Variants in ADCY10 observed in about 807,000 individuals in gnomAD.
ADCY10 encodes the protein adenylate cyclase 10, also known as adenylate cyclase type 10.
In ADCY10, 156 loss-of-function variants were observed where a neutral mutation model predicts 183.3. That is an observed-to-expected ratio of 0.85 (90% CI 0.75 to 0.97). ADCY10 has a LOEUF of 0.97. Among genes scored for constraint, ADCY10 ranks in the 50% least tolerant of loss-of-function variants. The pLI is 0.00. For synonymous variants in ADCY10, 645 were observed against 670.0 expected (o/e 0.96, Z 0.58); for missense variants, 1,745 against 1,934.3 (o/e 0.90, Z 1.84).
At chr1:167,888,702 T>C (rs1668392808) in intron 8 of ADCY10, among the ~76,000 whole-genome samples, 1 of 151,758 alleles carries the variant, frequency 6.6e-6, no homozygotes, top group African/African-American at 2.4e-5. Context: ...CGGTGAAACC[T>C]CGTCTCTATT....
chr1:167,896,714 T>C, intron 6 of ADCY10, 23 bp from the exon 7 acceptor site: 1 of 1,489,850 alleles, frequency 6.7e-7, no homozygotes, highest in Middle Eastern at 1.9e-4. Flanking sequence ...AAATGAGAAG[T>C]TTTCAGTTAT....
intron 19 of ADCY10, 94 bp from the exon 20 acceptor site, chr1:167,846,357 C>T: frequency 6.7e-7 from 1 of 1,485,536 alleles, no homozygotes; most frequent in Non-Finnish European, 9.4e-7. Context: ...CCATCCTGCT[C>T]TACAGTTCTT....
At position 167,893,950 on chromosome 1, in the gene ADCY10, G is replaced by A. The variant is rs776387858; in HGVS notation, c.740-9C>T. The stretch of plus-strand genomic sequence containing the variant: ...TGCAAGCCTCAGGAGGTCTAAGAAG[G>A]CAGAAGGAGGGTGCAGGCTCAGAGA... On this transcript the variant is annotated splice_polypyrimidine_tract_variant and intron_variant, in intron 7 of 32. Transcript: ENST00000367851. The A allele has an allele frequency of 1.2e-6, 2 of 1,608,288 alleles. No homozygotes were observed. Among genetic ancestry groups the A allele is most frequent in the Non-Finnish European group, 1.7e-6 (2 of 1,175,106 alleles).
intron 9 of ADCY10, among the ~76,000 whole-genome samples, chr1:167,882,883 G>A (rs1376157536): frequency 1.3e-5 from 2 of 152,190 alleles, no homozygotes; most frequent in African/African-American, 2.4e-5. Context: ...ATATAATGAG[G>A]ATAATGACAA....
intron 18 of ADCY10, among the ~76,000 whole-genome samples, chr1:167,852,361 T>C (rs973885687): frequency 2.1e-4 from 32 of 152,102 alleles, no homozygotes; most frequent in African/African-American, 7.7e-4. Flanking sequence ...GGAGAACTGC[T>C]TGAGCGCAGG....
chr1:167,887,896 A>G (rs933402358), intron 8 of ADCY10, among the ~76,000 whole-genome samples: 2 of 151,994 alleles, frequency 1.3e-5, no homozygotes, highest in African/African-American at 4.8e-5. Context: ...AGTCTCCCCA[A>G]TGTTTTCTTG....
chr1:167,866,118 T>C (rs1385788523), intron 14 of ADCY10, among the ~76,000 whole-genome samples: 1 of 152,162 alleles, frequency 6.6e-6, no homozygotes, highest in Non-Finnish European at 1.5e-5. Flanking sequence ...CAAGCGGATG[T>C]GTGGTGGTAT....
chr1:167,821,443 T>C (rs1662903793), intron 30 of ADCY10, among the ~76,000 whole-genome samples: 1 of 152,224 alleles, frequency 6.6e-6, no homozygotes, highest in African/African-American at 2.4e-5. Context: ...TATAACTCAG[T>C]CCGTGTCTCT....
intron 14 of ADCY10, among the ~76,000 whole-genome samples, chr1:167,866,812 C>A (rs1475812841): frequency 5.9e-5 from 9 of 151,644 alleles, no homozygotes; most frequent in African/African-American, 2.2e-4. Context: ...GAGTTTTAAC[C>A]CAGACTGTAG....
rs12131250 is a variant in ADCY10 at position 167,855,878 on chromosome 1, C to G, written c.2171+287G>C. Among the ~76,000 whole-genome samples the G allele has an allele frequency of 0.12, 17,678 of 152,100 alleles. 1,301 individuals are homozygous for G. Among genetic ancestry groups the G allele is most frequent in the South Asian group, 0.23 (1,097 of 4,804 alleles). ...ATAAAAAATTTACCGGAGGTGCACA[C>G]CTGTAGTTCTGGTACTCAGAAAGCT... On this transcript the variant is annotated intron_variant, in intron 17 of 32. Coordinates refer to ENST00000367851, the MANE Select transcript of ADCY10 (RefSeq NM_018417.6).
rs186485513 is a variant in ADCY10, at chr1:167,810,849, A to G, written c.4547T>C (p.Leu1516Pro). Residue 1516 changes from leucine to proline, a missense_variant, in exon 32 of 33, where the codon CTG becomes CCG. Coordinates refer to ENST00000367851, the MANE Select transcript of ADCY10 (RefSeq NM_018417.6). ...CATTAATATACAGACGTAAGCCATC[A>G]GGTGGTAGAGCCTTGGGCAAAAGAC... ...GPVFCPRLYH[L>P]MAYVCILMGD... 246 of 1,614,176 alleles carry G rather than the reference A, an allele frequency of 1.5e-4. No homozygotes were observed. The highest frequency in any genetic ancestry group is 1.4e-4 in the Non-Finnish European group (167 of 1,180,012).
intron 13 of ADCY10, among the ~76,000 whole-genome samples, chr1:167,871,989 G>T: frequency 6.6e-6 from 1 of 152,158 alleles, no homozygotes; most frequent in East Asian, 1.9e-4. Flanking sequence ...CCTGCACGTT[G>T]TGCATTGTGT....
intron 31 of ADCY10, among the ~76,000 whole-genome samples, chr1:167,814,448 AT>A (rs1046032925): frequency 7.9e-5 from 12 of 151,740 alleles, no homozygotes; most frequent in African/African-American, 2.2e-4. Flanking sequence ...TTATAATTAT[AT>A]TTTTAAAATA....
rs1180740111 is a variant in ADCY10, at chr1:167,837,454, A to G, written c.3008-136T>C. 6.8e-6 allele frequency: 5 copies of G among 740,494 alleles called. No homozygotes were observed. The African/African-American group carries it at 8.7e-5, about 13-fold the overall frequency. The allele number at this position is 740,494 out of a possible 1,614,324, so 45.9% of individuals were successfully genotyped here. A position where few individuals can be genotyped will look rare whatever the true frequency, so the allele number is the denominator to read the frequency against. On this transcript the variant is annotated intron_variant, in intron 21 of 32. Transcript: ENST00000367851. ...CCAGAAACCACATTGCCTAGTCCCC[A>G]TTGTATCTTAGGTGAAGCCACGTGA... is the stretch of plus-strand genomic sequence containing the variant.
At chr1:167,833,543 T>G (rs1450143231) in intron 24 of ADCY10, among the ~76,000 whole-genome samples, 1 of 152,166 alleles carries the variant, frequency 6.6e-6, no homozygotes, top group Non-Finnish European at 1.5e-5. Flanking sequence ...GTCAGGAGTT[T>G]GAGACCAGCC....
At chr1:167,892,173 T>C (rs1398184638) in intron 8 of ADCY10, among the ~76,000 whole-genome samples, 2 of 152,148 alleles carry the variant, frequency 1.3e-5, no homozygotes, top group African/African-American at 4.8e-5. Context: ...GGTTTTGCCA[T>C]GTTGTCCAGG....
chr1:167,904,698 G>C, intron 2 of ADCY10: 1 of 604,254 alleles, frequency 1.7e-6, no homozygotes, highest in Non-Finnish European at 2.9e-6. Flanking sequence ...TGTGTATGGG[G>C]CTTGGGGCTG....
At chr1:167,910,965 CCTA>C (rs1303392083) in intron 1 of ADCY10, among the ~76,000 whole-genome samples, 1 of 152,072 alleles carries the variant, frequency 6.6e-6, no homozygotes, top group Non-Finnish European at 1.5e-5. Flanking sequence ...TTCTAGCAGC[CCTA>C]CTATCAGCCC....
At chr1:167,892,621 C>G (rs1345815765) in intron 8 of ADCY10, among the ~76,000 whole-genome samples, 1 of 152,046 alleles carries the variant, frequency 6.6e-6, no homozygotes, top group Non-Finnish European at 1.5e-5. Context: ...CTTTTTTAAG[C>G]TTCAAAAGCC....
Sources: gnomAD v4.1 joint callset for allele counts (sites outside exome capture counted in the v4.1 genomes callset) on GRCh38, gnomAD v4.1.1 for gene constraint, MANE v1.5 for transcripts, NCBI Gene and HGNC (gene_info 2026-07-23, HGNC 2026-07-21) for gene names.